Variants in CCDC7 observed in about 807,000 individuals in gnomAD.
CCDC7 encodes the protein coiled-coil domain containing 7.
CCDC7 carries 183 observed loss-of-function variants against 196.9 expected under a neutral mutation model. The ratio of observed to expected loss-of-function variants is 0.93; its 90% CI spans 0.82 to 1.05. The LOEUF is 1.05. CCDC7 is among the 50% of genes least tolerant of loss of function. The pLI is 0.00. For missense variants in CCDC7, 1,540 were observed against 1,482.2 expected (o/e 1.04, Z -0.64); for synonymous variants, 525 against 484.6 (o/e 1.08, Z -1.10).
rs532020215 is a variant in CCDC7 at position 32,467,256 on chromosome 10, C to G, written c.511-3808C>G. 8.1e-4 allele frequency among the ~76,000 whole-genome samples: 113 copies of G among 139,986 alleles called. 1 individual carries two copies. Among genetic ancestry groups the G allele is most frequent in the Middle Eastern group, 3.6e-3 (1 of 280 alleles). 91.8% of individuals were successfully genotyped at this position (139,986 alleles called of 152,430 possible). ...AGCTGGGACTACAGGTGTATGCCAC[C>G]ATGCCCGGCTAATTTTTTTTTTTTT... On this transcript the variant is annotated intron_variant, in intron 5 of 41. Coordinates refer to ENST00000639629, the Ensembl canonical transcript of CCDC7.
At chr10:32,463,040 G>C (rs776889762) in exon 5 of CCDC7, 1 of 1,613,470 alleles carries the variant, frequency 6.2e-7, no homozygotes, top group Admixed American at 1.7e-5. Flanking sequence ...AGGTCAATCA[G>C]ATGGAAGAAG....
chr10:32,845,956 C>T lies in CCDC7; in HGVS notation c.3601C>T (p.Arg1201Ter), dbSNP rs201575874. 1.8e-5 allele frequency: 29 copies of T among 1,606,538 alleles called. No homozygotes were observed. In the Middle Eastern group the frequency reaches 6.6e-4, roughly 37 times the overall value. ...AATCACTACACAACTGAAGAGTCAC[C>T]GAGGTAAGAGAAAGAATTTTTCAAG... Residue 1201 changes from arginine to a stop codon, truncating the protein, a stop_gained, in exon 36 of 42, where the codon CGA becomes TGA. Transcript: ENST00000639629. LOFTEE classifies it high-confidence loss of function.
At chr10:32,809,366 A>G (rs562310248) in intron 30 of CCDC7, among the ~76,000 whole-genome samples, 2 of 152,208 alleles carry the variant, frequency 1.3e-5, no homozygotes, top group Non-Finnish European at 2.9e-5. Flanking sequence ...TGAAAAATTT[A>G]TTAAAGAGGT....
chr10:32,828,725 C>T (rs1459157168), intron 32 of CCDC7, among the ~76,000 whole-genome samples: 9 of 152,074 alleles, frequency 5.9e-5, no homozygotes, highest in Admixed American at 5.2e-4. Flanking sequence ...TCCAGAAGGC[C>T]ATGTATTCTC....
At chr10:32,715,103 GAGACACCTCCCAGCAGGGGTCAAC>G (rs1354423026) in intron 25 of CCDC7, among the ~76,000 whole-genome samples, 3 of 152,300 alleles carry the variant, frequency 2.0e-5, no homozygotes, top group African/African-American at 7.2e-5. Context: ...TCCTGATTGG[GAGACACCTCCCAGCAGGGGTCAAC>G]AGACACCTCA....
chr10:32,715,897 CTA>C (rs760967468), intron 25 of CCDC7, among the ~76,000 whole-genome samples: 5 of 152,130 alleles, frequency 3.3e-5, no homozygotes, highest in Non-Finnish European at 5.9e-5. Flanking sequence ...ATATATGGGA[CTA>C]TGTGAAAAGA....
chr10:32,772,504 C>T (rs1447188380), intron 28 of CCDC7, among the ~76,000 whole-genome samples: 1 of 152,242 alleles, frequency 6.6e-6, no homozygotes, highest in Non-Finnish European at 1.5e-5. Context: ...CTCAGGACTC[C>T]TGTACTCAAA....
Position 32,643,348 on chromosome 10 carries a change from G to C in CCDC7, c.2014+8190G>C, listed in dbSNP as rs746794095. On this transcript the variant is annotated intron_variant, in intron 20 of 41. Coordinates refer to ENST00000639629, the Ensembl canonical transcript of CCDC7. ...TGATTTTTGTTAGTGTATGTGTGGT[G>C]TATCTCTTTTCATCTACTTGTTTTC... Among the ~76,000 whole-genome samples the C allele has an allele frequency of 4.9e-4, 74 of 152,156 alleles. 1 individual carries two copies. The Middle Eastern group carries it at 0.014, about 28-fold the overall frequency.
intron 21 of CCDC7, among the ~76,000 whole-genome samples, chr10:32,678,295 G>A (rs981551217): frequency 6.6e-6 from 1 of 152,050 alleles, no homozygotes; most frequent in East Asian, 1.9e-4. Flanking sequence ...AGCATCCCGT[G>A]GGGTTGTATT....
At chr10:32,461,320 T>C (rs906157117) in intron 3 of CCDC7, among the ~76,000 whole-genome samples, 1 of 152,108 alleles carries the variant, frequency 6.6e-6, no homozygotes, top group Non-Finnish European at 1.5e-5. Flanking sequence ...TAGCCTGCAG[T>C]TGGGCAAAAT....
intron 16 of CCDC7, among the ~76,000 whole-genome samples, chr10:32,573,782 A>T (rs2057868378): frequency 6.6e-6 from 1 of 152,186 alleles, no homozygotes; most frequent in African/African-American, 2.4e-5. Context: ...GATTATTTTA[A>T]TTCATTTCAA....
intron 24 of CCDC7, among the ~76,000 whole-genome samples, chr10:32,707,734 G>T (rs1437664592): frequency 1.3e-5 from 2 of 152,030 alleles, no homozygotes; most frequent in African/African-American, 4.8e-5. Context: ...GCTTCAAAGA[G>T]AATAAAACAC....
chr10:32,569,404 G>A (rs982184793), intron 15 of CCDC7, among the ~76,000 whole-genome samples: 1 of 151,964 alleles, frequency 6.6e-6, no homozygotes, highest in Non-Finnish European at 1.5e-5. Flanking sequence ...TATTCTGAAG[G>A]ATGCTTTATA....
In CCDC7 at chr10:32,564,329, C is replaced by T. The variant is rs547325419; in HGVS notation, c.1135-1229C>T. Among the ~76,000 whole-genome samples, 339 of 152,218 alleles carry T rather than the reference C, an allele frequency of 2.2e-3. 10 individuals carry two copies. The highest frequency in any genetic ancestry group is 0.016 in the Admixed American group (240 of 15,288). On this transcript the variant is annotated intron_variant, in intron 13 of 41. Coordinates refer to ENST00000639629, the Ensembl canonical transcript of CCDC7. ...TATATCCAAAGGACTATAAATCATG[C>T]TGCTATAAAGACACATGCACACGTA...
chr10:32,851,836 G>C (rs1028177874), exon 40 of CCDC7: 1 of 1,612,502 alleles, frequency 6.2e-7, no homozygotes, highest in Admixed American at 1.7e-5. Flanking sequence ...TTCACCCTAT[G>C]TGACTGCACC....
chr10:32,598,646 A>G (rs2060673537), intron 18 of CCDC7, among the ~76,000 whole-genome samples: 1 of 152,142 alleles, frequency 6.6e-6, no homozygotes, highest in Admixed American at 6.5e-5. Flanking sequence ...GATATTTTCT[A>G]ATTTACCTTA....
chr10:32,557,605 T>C (rs2054580104), intron 13 of CCDC7, among the ~76,000 whole-genome samples: 1 of 152,236 alleles, frequency 6.6e-6, no homozygotes, highest in Non-Finnish European at 1.5e-5. Flanking sequence ...CTTTTTCCAC[T>C]GTCATCAGAT....
intron 12 of CCDC7, 85 bp downstream of exon 13, chr10:32,543,470 C>T (rs2051859920): frequency 8.9e-7 from 1 of 1,123,274 alleles, no homozygotes; most frequent in Non-Finnish European, 1.2e-6. Context: ...GTCAAATAAA[C>T]ATAACTTATG....
intron 11 of CCDC7, among the ~76,000 whole-genome samples, chr10:32,520,918 A>G (rs973990242): frequency 1.3e-5 from 2 of 152,098 alleles, no homozygotes; most frequent in African/African-American, 4.8e-5. Flanking sequence ...AGAGGGTTCA[A>G]GATTCATTCA....
Sources: allele counts gnomAD v4.1 joint callset (sites outside exome capture counted in the v4.1 genomes callset), GRCh38; gene constraint gnomAD v4.1.1; transcripts MANE v1.5; gene names NCBI Gene and HGNC (gene_info 2026-07-23, HGNC 2026-07-21).